The following SLIRP variants were observed in gnomAD, a reference collection of about 807,000 sequenced individuals.
The protein encoded by SLIRP is SRA stem-loop-interacting RNA-binding protein, mitochondrial.
Under a neutral mutation model 13.4 loss-of-function variants are expected in SLIRP, and 12 were observed. The ratio of observed to expected loss-of-function variants is 0.89; its 90% confidence interval spans 0.57 to 1.45. SLIRP has a LOEUF of 1.45. SLIRP is among the 40% of genes most tolerant of loss of function. SLIRP has a pLI of 0.00. For missense variants in SLIRP, 154 were observed against 132.2 expected (o/e 1.17, Z -0.81); for synonymous variants, 55 against 47.1 (o/e 1.17, Z -0.69).
intron 2 of SLIRP, among the ~76,000 whole-genome samples, chr14:77,711,431 C>T (rs564708413): frequency 8.5e-5 from 13 of 152,246 alleles, no homozygotes; most frequent in African/African-American, 2.6e-4. Flanking sequence ...CTTAAGTGAT[C>T]TTCCTGCCTT....
chr14:77,712,797 G>A (rs2080451113), intron 2 of SLIRP, among the ~76,000 whole-genome samples: 1 of 152,048 alleles, frequency 6.6e-6, no homozygotes, highest in African/African-American at 2.4e-5. Context: ...TTGACCTTTG[G>A]CTCTGAGTTG....
rs139234875 is a variant in SLIRP, at chr14:77,713,671, C to T, written c.157-2101C>T. On this transcript the variant is annotated intron_variant, in intron 2 of 3. Transcript: ENST00000557342. ...ATTCCAAAGCAGCATTATTTAATGT[C>T]AAGTAAGAAGAAGAAACTTAAATGT... Among the ~76,000 whole-genome samples the T allele has an allele frequency of 2.3e-3, 357 of 152,194 alleles. 1 individual carries two copies. Among genetic ancestry groups the T allele is most frequent in the Non-Finnish European group, 4.0e-3 (271 of 68,024 alleles).
intron 2 of SLIRP, among the ~76,000 whole-genome samples, chr14:77,711,378 G>C (rs908119862): frequency 2.0e-5 from 3 of 151,996 alleles, no homozygotes; most frequent in Admixed American, 6.6e-5. Flanking sequence ...TCCCCCTGCA[G>C]GGGTGCAGTG....
At chr14:77,715,424 GC>G (rs1392929024) in intron 2 of SLIRP, among the ~76,000 whole-genome samples, 4 of 152,056 alleles carry the variant, frequency 2.6e-5, no homozygotes, top group African/African-American at 9.7e-5. Context: ...TGGGAAGATT[GC>G]TTGAGCCCAG....
intron 2 of SLIRP, among the ~76,000 whole-genome samples, chr14:77,713,221 TATTA>T (rs2080454151): frequency 6.6e-6 from 1 of 152,234 alleles, no homozygotes; most frequent in Non-Finnish European, 1.5e-5. Flanking sequence ...AATATTTTTA[TATTA>T]ATTACATTTC....
intron 2 of SLIRP, among the ~76,000 whole-genome samples, chr14:77,715,423 T>G (rs1167483030): frequency 6.6e-6 from 1 of 151,978 alleles, no homozygotes; most frequent in Non-Finnish European, 1.5e-5. Context: ...ATGGGAAGAT[T>G]GCTTGAGCCC....
rs2080446689 is a variant in SLIRP at position 77,712,337 on chromosome 14, A to G, written c.156+1441A>G. On this transcript the variant is annotated intron_variant, in intron 2 of 3. Transcript: ENST00000557342. ...GCCTAAGCTGGAGTTGCAGTGGTGC[A>G]GTCTCAGCTTACTGCAACCTCTGCC... Among the ~76,000 whole-genome samples, 6 of 149,524 alleles carry G rather than the reference A, an allele frequency of 4.0e-5. No homozygotes were observed. The South Asian group carries it at 1.3e-3, about 31-fold the overall frequency.
chr14:77,714,940 T>C (rs1260856510), intron 2 of SLIRP, among the ~76,000 whole-genome samples: 1 of 152,178 alleles, frequency 6.6e-6, no homozygotes, highest in African/African-American at 2.4e-5. Flanking sequence ...ATGCGATGTA[T>C]AGGTTGAAAC....
chr14:77,716,880 A>T (rs1435129597), intron 3 of SLIRP, among the ~76,000 whole-genome samples: 3 of 151,610 alleles, frequency 2.0e-5, no homozygotes, highest in East Asian at 3.9e-4. Context: ...TCCTGCCTCA[A>T]CCTCCCGAGT....
chr14:77,717,543 TGAAAA>T lies in SLIRP; in HGVS notation c.317_321del (p.Lys106ArgfsTer?), dbSNP rs762750775. ...CAAAACTTCCGCAAACATCTGATGA[TGAAAA>T]GAAAGATTTTTGAGACTGCAGCCTA... On this transcript the variant is annotated frameshift_variant, in exon 4 of 4. Transcript: ENST00000557342. LOFTEE classifies it high-confidence loss of function. 43 of 1,613,896 alleles carry T rather than the reference TGAAAA, an allele frequency of 2.7e-5. No individual in the cohort carries two copies. The highest frequency in any genetic ancestry group is 3.2e-5 in the Non-Finnish European group (38 of 1,179,924).
intron 3 of SLIRP, among the ~76,000 whole-genome samples, chr14:77,716,824 C>CA (rs1198775107): frequency 6.6e-6 from 1 of 151,858 alleles, no homozygotes; most frequent in Non-Finnish European, 1.5e-5. Flanking sequence ...TGCAATGGTG[C>CA]AATCTTGGAT....
chr14:77,717,391 C>G, intron 3 of SLIRP, 105 bp from the exon 4 acceptor site: 2 of 925,576 alleles, frequency 2.2e-6, no homozygotes, highest in Non-Finnish European at 3.4e-6. Flanking sequence ...ATAAAAACTG[C>G]CTGGGTTATT....
rs902787311 is a variant in SLIRP at position 77,710,904 on chromosome 14, T to G, written c.156+8T>G. ...AGGTGCATTTTACCTTTTGTAAGTA[T>G]TAAGGAAAAGTAGGTGGGAGGTGGG... On this transcript the variant is annotated splice_region_variant and intron_variant, in intron 2 of 3. Coordinates refer to ENST00000557342, the MANE Select transcript of SLIRP (RefSeq NM_031210.6). The G allele has an allele frequency of 6.2e-7, 1 of 1,613,832 alleles. No individual in the cohort carries two copies. The highest frequency in any genetic ancestry group is 1.3e-5 in the African/African-American group (1 of 74,982).
intron 1 of SLIRP, among the ~76,000 whole-genome samples, chr14:77,708,857 G>C (rs1221087775): frequency 6.6e-6 from 1 of 152,212 alleles, no homozygotes; most frequent in Non-Finnish European, 1.5e-5. Flanking sequence ...TTGTGGCTGA[G>C]AAGTGGACTC....
chr14:77,715,897 C>G lies in SLIRP; in HGVS notation c.264+18C>G. 1 of 1,542,940 alleles carries G rather than the reference C, an allele frequency of 6.5e-7. No homozygotes were observed. Among genetic ancestry groups the G allele is most frequent in the Non-Finnish European group, 9.0e-7 (1 of 1,115,882 alleles). On this transcript the variant is annotated intron_variant, in intron 3 of 3. Transcript: ENST00000557342. ...GAGTAAAGGTAAATTTATTTCTATG[C>G]CAGATACATACATGATATACATGTA... is the stretch of plus-strand genomic sequence containing the variant.
intron 2 of SLIRP, among the ~76,000 whole-genome samples, chr14:77,712,957 G>A (rs2080452254): frequency 6.7e-6 from 1 of 150,266 alleles, no homozygotes; most frequent in East Asian, 1.9e-4. Context: ...CATAATCACA[G>A]GAGTGACATC....
At chr14:77,715,659 T>C in intron 2 of SLIRP, 113 bp from the exon 3 acceptor site, 4 of 864,434 alleles carry the variant, frequency 4.6e-6, no homozygotes, top group Non-Finnish European at 1.8e-6. Context: ...TAAAATAAAA[T>C]TAAATTAAAA....
At chr14:77,716,754 A>G (rs1365076909) in intron 3 of SLIRP, among the ~76,000 whole-genome samples, 3 of 151,896 alleles carry the variant, frequency 2.0e-5, no homozygotes, top group East Asian at 3.9e-4. Context: ...CACAGTGGAC[A>G]TAACAGTCTA....
intron 2 of SLIRP, among the ~76,000 whole-genome samples, chr14:77,712,269 A>G (rs890453411): frequency 7.8e-6 from 1 of 128,184 alleles, no homozygotes; most frequent in South Asian, 2.7e-4. Context: ...GTGGTTGGCA[A>G]AATTCCTTTT....
Sources: gnomAD v4.1 joint callset for allele counts (sites outside exome capture counted in the v4.1 genomes callset) on GRCh38, gnomAD v4.1.1 for gene constraint, MANE v1.5 for transcripts, NCBI Gene and HGNC (gene_info 2026-07-23, HGNC 2026-07-21) for gene names.